Variants in FAM168B observed in about 807,000 individuals in gnomAD.
FAM168B encodes the protein myelin-associated neurite-outgrowth inhibitor.
Under a neutral mutation model 21.8 loss-of-function variants are expected in FAM168B, and 19 were observed. The observed-to-expected ratio is 0.87, with a 90% CI of 0.61 to 1.28. FAM168B has a LOEUF of 1.28. FAM168B is among the 50% of genes most tolerant of loss of function. FAM168B has a pLI of 0.00. For synonymous variants in FAM168B, 126 were observed against 104.8 expected, an observed-to-expected ratio of 1.20 and a Z score of -1.24; for missense variants, 233 against 263.1, an observed-to-expected ratio of 0.89 and a Z score of 0.79.
chr2:131,090,840 T>C (rs1693982335), intron 1 of FAM168B, among the ~76,000 whole-genome samples: 1 of 152,104 alleles, frequency 6.6e-6, no homozygotes, highest in South Asian at 2.1e-4. Flanking sequence ...ACCATTCTCC[T>C]GCCTCAGCCT....
In FAM168B at chr2:131,051,774, G is replaced by C; in HGVS notation, c.*691C>G. ...CATGATGAGCTTTAAGCATGTCCCT[G>C]TTCCACTGACTCCACCAAGCCTAAA... On this transcript the variant is annotated 3_prime_UTR_variant, in exon 7 of 7. Coordinates refer to ENST00000389915, the MANE Select transcript of FAM168B (RefSeq NM_001009993.4). 2.0e-6 allele frequency: 2 copies of C among 985,412 alleles called. No homozygotes were observed. The highest frequency in any genetic ancestry group is 2.4e-6 in the Non-Finnish European group (2 of 829,936). 61.0% of individuals were successfully genotyped at this position (985,412 alleles called of 1,614,324 possible).
chr2:131,049,195 A>G lies in FAM168B; in HGVS notation c.*3270T>C. 1.0e-6 allele frequency: 1 copy of G among 985,468 alleles called. No individual in the cohort carries two copies. Among genetic ancestry groups the G allele is most frequent in the Non-Finnish European group, 1.2e-6 (1 of 829,950 alleles). The allele number at this position is 985,468 out of a possible 1,614,324, so 61.0% of individuals were successfully genotyped here. Reference sequence around the variant, plus strand: ...GTTACTGTTGTGTCCCCCAAGACACATGCAAATTATTTCCTAGACCTCATT... The same window carrying G: ...GTTACTGTTGTGTCCCCCAAGACACGTGCAAATTATTTCCTAGACCTCATT... On this transcript the variant is annotated 3_prime_UTR_variant, in exon 7 of 7. Coordinates refer to ENST00000389915, the MANE Select transcript of FAM168B (RefSeq NM_001009993.4).
chr2:131,073,249 C>T (rs774606932), intron 2 of FAM168B, among the ~76,000 whole-genome samples: 19 of 151,994 alleles, frequency 1.3e-4, no homozygotes, highest in Non-Finnish European at 2.1e-4. Flanking sequence ...TGCACCACCA[C>T]GCCCAGCTAA....
At chr2:131,071,810 C>T (rs1156439472) in intron 3 of FAM168B, 45 bp downstream of exon 3, 11 of 1,513,398 alleles carry the variant, frequency 7.3e-6, no homozygotes, top group East Asian at 4.5e-5. Flanking sequence ...CTTCACCTTT[C>T]TCTCCCAGCT....
At chr2:131,082,540 A>G (rs760088924) in intron 2 of FAM168B, 37 bp downstream of exon 2, 15 of 1,424,686 alleles carry the variant, frequency 1.1e-5, no homozygotes, top group Admixed American at 4.0e-5. Flanking sequence ...CCAAGTATTC[A>G]AAGTTCAAAA....
In FAM168B at chr2:131,048,184, A is replaced by C. The variant is rs1691403739; in HGVS notation, c.*4281T>G. ...GTATTTAAAAATCATTTTTAAAAAAACAAAAAGGAACCGTTTCTTCTTTAG... is the reference window on the plus strand; with the variant it reads ...GTATTTAAAAATCATTTTTAAAAAACCAAAAAGGAACCGTTTCTTCTTTAG... On this transcript the variant is annotated 3_prime_UTR_variant, in exon 7 of 7. Coordinates refer to ENST00000389915, the MANE Select transcript of FAM168B (RefSeq NM_001009993.4). 2 of 1,249,732 alleles carry C rather than the reference A, an allele frequency of 1.6e-6. No individual in the cohort carries two copies. The highest frequency in any genetic ancestry group is 1.3e-5 in the South Asian group (1 of 74,726). 77.4% of individuals were successfully genotyped at this position (1,249,732 alleles called of 1,614,324 possible).
At chr2:131,062,388 T>A (rs1030795211) in intron 3 of FAM168B, among the ~76,000 whole-genome samples, 3 of 152,196 alleles carry the variant, frequency 2.0e-5, no homozygotes. Context: ...ACTGGAAGCC[T>A]CCCACTGCAG....
At chr2:131,091,415 G>C (rs758647116) in intron 1 of FAM168B, among the ~76,000 whole-genome samples, 1 of 152,002 alleles carries the variant, frequency 6.6e-6, no homozygotes, top group Non-Finnish European at 1.5e-5. Flanking sequence ...GGAGGCCGAC[G>C]TAGGTGGACC....
chr2:131,055,595 G>A lies in FAM168B; in HGVS notation c.255C>T (p.Tyr85=). The change falls in exon 4 of 7, where the codon TAC becomes TAT. Residue 85 remains tyrosine (Y), a synonymous_variant. Coordinates refer to ENST00000389915, the MANE Select transcript of FAM168B (RefSeq NM_001009993.4). ...SSPNPYQTAV[Y]PVRSAYPQQS... is the part of the protein sequence containing the mutation. ...GCTGGGGGTAGGCACTTCGCACAGG[G>A]TACACGGCAGTCTGGTAGGGGTTCG... 6.2e-7 allele frequency: 1 copy of A among 1,610,584 alleles called. No individual in the cohort carries two copies.
chr2:131,058,049 C>A (rs2105471567), intron 3 of FAM168B, among the ~76,000 whole-genome samples: 1 of 152,132 alleles, frequency 6.6e-6, no homozygotes, highest in East Asian at 1.9e-4. Flanking sequence ...CCAGGATAGT[C>A]TGGAACTCCT....
intron 2 of FAM168B, among the ~76,000 whole-genome samples, chr2:131,075,442 C>T (rs1693095980): frequency 1.3e-5 from 2 of 151,996 alleles, no homozygotes; most frequent in African/African-American, 4.8e-5. Flanking sequence ...TTGTGTTTAA[C>T]GGTCCCTGAA....
At chr2:131,084,043 C>T (rs1693557524) in intron 1 of FAM168B, among the ~76,000 whole-genome samples, 1 of 152,066 alleles carries the variant, frequency 6.6e-6, no homozygotes, top group South Asian at 2.1e-4. Context: ...GCAGGGACTA[C>T]AGGCGTGCGC....
chr2:131,073,240 G>A (rs980188908), intron 2 of FAM168B, among the ~76,000 whole-genome samples: 3 of 151,728 alleles, frequency 2.0e-5, no homozygotes, highest in African/African-American at 7.3e-5. Context: ...CTACAGGCGT[G>A]CACCACCACG....
chr2:131,058,361 T>C (rs1692127859), intron 3 of FAM168B, among the ~76,000 whole-genome samples: 3 of 152,172 alleles, frequency 2.0e-5, no homozygotes, highest in Middle Eastern at 3.4e-3. Flanking sequence ...CTGCATGCCC[T>C]TTCATGGTCT....
In FAM168B at chr2:131,071,836, T is replaced by C. The variant is rs755966685; in HGVS notation, c.154+19A>G. On this transcript the variant is annotated intron_variant, in intron 3 of 6. Transcript: ENST00000389915. ...TCTCCCAGCTGTACGTACAAAGCAT[T>C]TTACCACCCAGCACATACCTGTTTG... The C allele has an allele frequency of 3.1e-6, 5 of 1,611,590 alleles. No homozygotes were observed. The Admixed American group carries it at 6.7e-5, about 21-fold the overall frequency.
chr2:131,076,695 A>G (rs955141955), intron 2 of FAM168B, among the ~76,000 whole-genome samples: 1 of 152,112 alleles, frequency 6.6e-6, no homozygotes, highest in Non-Finnish European at 1.5e-5. Flanking sequence ...ACAAAAGTAA[A>G]AGCTTCAGAA....
intron 1 of FAM168B, among the ~76,000 whole-genome samples, chr2:131,089,666 C>T (rs1305958025): frequency 5.4e-5 from 8 of 148,466 alleles, no homozygotes; most frequent in African/African-American, 1.0e-4. Context: ...TGCAATGAGC[C>T]GAGATGGCGC....
intron 2 of FAM168B, among the ~76,000 whole-genome samples, chr2:131,072,477 T>G (rs1692924585): frequency 6.6e-6 from 1 of 151,442 alleles, no homozygotes; most frequent in Non-Finnish European, 1.5e-5. Context: ...TATTTATTTT[T>G]TGGAGGGGGA....
At chr2:131,065,319 T>G (rs995207175) in intron 3 of FAM168B, among the ~76,000 whole-genome samples, 1 of 152,178 alleles carries the variant, frequency 6.6e-6, no homozygotes, top group African/African-American at 2.4e-5. Flanking sequence ...TGTGGAGCAC[T>G]GCAATCTTTT....
Sources: allele counts gnomAD v4.1 joint callset (sites outside exome capture counted in the v4.1 genomes callset), GRCh38; gene constraint gnomAD v4.1.1; transcripts MANE v1.5; gene names NCBI Gene and HGNC (gene_info 2026-07-23, HGNC 2026-07-21).